The following ZNF445 variants were observed in gnomAD, a reference collection of about 807,000 sequenced individuals.
ZNF445 encodes zinc finger protein 168.
Under a neutral mutation model 93.9 loss-of-function variants are expected in ZNF445, and 19 were observed. The observed-to-expected ratio is 0.20, with a 90% CI of 0.14 to 0.30. The LOEUF (loss-of-function observed/expected upper bound fraction) is 0.30, where lower values mean the gene tolerates loss of function less well. ZNF445 is among the 10% of genes least tolerant of loss of function. The pLI is 1.00. For missense variants in ZNF445, 1,058 were observed against 1,259.4 expected, an observed-to-expected ratio of 0.84 and a Z score of 2.42; for synonymous variants, 449 against 446.3, an observed-to-expected ratio of 1.01 and a Z score of -0.08.
At chr3:44,467,456 CAG>C (rs1450209697) in intron 1 of ZNF445, among the ~76,000 whole-genome samples, 10 of 152,160 alleles carry the variant, frequency 6.6e-5, no homozygotes, top group Admixed American at 1.3e-4. Flanking sequence ...CTTGTCCACA[CAG>C]AGTCTCTGTA....
At position 44,443,278 on chromosome 3, in the gene ZNF445, A is replaced by C. The variant is rs1697834392; in HGVS notation, c.*3297T>G. On this transcript the variant is annotated 3_prime_UTR_variant, in exon 8 of 8. Coordinates refer to ENST00000396077, the MANE Select transcript of ZNF445 (RefSeq NM_181489.6). ...GTTAGCACCAAGTAGTCAGGCTTCT[A>C]CTTTTTTTCCTTTCAGCTAATCTGA... The C allele has an allele frequency of 6.6e-6, 1 of 152,214 alleles. No individual in the cohort carries two copies. Among genetic ancestry groups the C allele is most frequent in the African/African-American group, 2.4e-5 (1 of 41,458 alleles). 9.4% of individuals were successfully genotyped at this position (152,214 alleles called of 1,614,324 possible).
rs556191734 is a variant in ZNF445 at position 44,439,310 on chromosome 3, C to CA, written c.*7264dup. The CA allele has an allele frequency of 0.27, 16,839 of 62,220 alleles. 2,512 individuals carry two copies. Among genetic ancestry groups the CA allele is most frequent in the East Asian group, 0.79 (2,519 of 3,192 alleles). The allele number at this position is 62,220 out of a possible 1,614,324, so 3.9% of individuals were successfully genotyped here. ...TGGGTGACAGGGTGAGACCTTGTCTCAAAAAAAAAAAAAAAAAAAAAGCAA... is the reference window on the plus strand; with the variant it reads ...TGGGTGACAGGGTGAGACCTTGTCTCAAAAAAAAAAAAAAAAAAAAAAGCAA... On this transcript the variant is annotated 3_prime_UTR_variant, in exon 8 of 8. Transcript: ENST00000396077.
chr3:44,477,043 TA>T (rs1575321174), intron 1 of ZNF445, among the ~76,000 whole-genome samples: 1 of 152,364 alleles, frequency 6.6e-6, no homozygotes, highest in East Asian at 1.9e-4. Flanking sequence ...GTCACTGAAT[TA>T]CACACTTCCA....
intron 1 of ZNF445, among the ~76,000 whole-genome samples, chr3:44,463,504 T>A (rs1326733585): frequency 6.6e-6 from 1 of 151,872 alleles, no homozygotes; most frequent in Non-Finnish European, 1.5e-5. Context: ...AACTGATAGA[T>A]CCCTTTCAAA....
In ZNF445 at chr3:44,450,529, G is replaced by A. The variant is rs143992606; in HGVS notation, c.738C>T (p.Asp246=). The change falls in exon 6 of 8, where the codon GAC becomes GAT. Residue 246 remains aspartate, a synonymous_variant. Transcript: ENST00000396077. ...GAGCAGAGTCCAGCCACCCCCACTC[G>A]TCCTGGGAGAAGGTCACCTCCACAT... The part of the protein sequence containing the change: ...FKDVEVTFSQ[D]EWGWLDSAQR... The A allele has an allele frequency of 3.3e-4, 526 of 1,614,066 alleles. 5 individuals carry two copies. The African/African-American group carries it at 5.4e-3, about 16-fold the overall frequency.
intron 1 of ZNF445, among the ~76,000 whole-genome samples, chr3:44,476,859 G>A (rs1376714135): frequency 2.6e-5 from 4 of 152,040 alleles, no homozygotes; most frequent in African/African-American, 9.7e-5. Flanking sequence ...ATGCAAATGT[G>A]TCTCCTACAG....
intron 1 of ZNF445, among the ~76,000 whole-genome samples, chr3:44,460,995 C>T (rs1302986783): frequency 6.6e-6 from 1 of 152,202 alleles, no homozygotes; most frequent in African/African-American, 2.4e-5. Context: ...TCTCTACTGG[C>T]GGGGCACTGC....
intron 1 of ZNF445, among the ~76,000 whole-genome samples, chr3:44,467,658 C>T (rs1424776378): frequency 2.0e-5 from 3 of 152,176 alleles, no homozygotes; most frequent in African/African-American, 7.2e-5. Flanking sequence ...AGAGTTCTAT[C>T]AAAACCAACT....
At position 44,455,154 on chromosome 3, in the gene ZNF445, C is replaced by A; in HGVS notation, c.396G>T (p.Glu132Asp). The A allele has an allele frequency of 6.2e-7, 1 of 1,614,188 alleles. No individual in the cohort carries two copies. Among genetic ancestry groups the A allele is most frequent in the Middle Eastern group, 1.6e-4 (1 of 6,062 alleles). ...ATGTCCCATCAAGGTCCCTCTGCAG[C>A]TCCTCCAGCAAGGCCACAGCCTCCT... The part of the protein sequence containing the change: ...SGEEAVALLE[E>D]LQRDLDGTSW... Residue 132 changes from glutamate (E) to aspartate (D), a missense_variant, in exon 3 of 8, where the codon GAG becomes GAT. By Grantham distance (45) the Glu-to-Asp change is conservative. This residue lies in a region of ZNF445 where 657 missense variants were observed against 746.4 expected (regional missense o/e 0.88). Coordinates refer to ENST00000396077, the MANE Select transcript of ZNF445 (RefSeq NM_181489.6).
chr3:44,451,585 T>C (rs962451245), intron 3 of ZNF445, 103 bp from the exon 4 acceptor site: 31 of 1,306,360 alleles, frequency 2.4e-5, no homozygotes, highest in Non-Finnish European at 3.1e-5. Context: ...GGCCGAGGGA[T>C]AGGTAAGCCA....
Position 44,442,372 on chromosome 3 carries a change from G to C in ZNF445, c.*4203C>G, listed in dbSNP as rs1406123106. On this transcript the variant is annotated 3_prime_UTR_variant, in exon 8 of 8. Coordinates refer to ENST00000396077, the MANE Select transcript of ZNF445 (RefSeq NM_181489.6). ...CCAGGAGTAGTTGCTGGGTGGTTAA[G>C]TGCACACAACCTTCCAAGATTTTGC... is the stretch of plus-strand genomic sequence containing the variant. The C allele has an allele frequency of 6.6e-6, 1 of 152,198 alleles. No homozygotes were observed. Among genetic ancestry groups the C allele is most frequent in the Non-Finnish European group, 1.5e-5 (1 of 68,040 alleles). The allele number at this position is 152,198 out of a possible 1,614,324, so 9.4% of individuals were successfully genotyped here.
In ZNF445 at chr3:44,446,243, T is replaced by G. The variant is rs140229035; in HGVS notation, c.*332A>C. ...CCATAGCCCATGATGCCACAGATAT[T>G]CTGTCCAACCACAAAGGGCAGTGGT... is the stretch of plus-strand genomic sequence containing the variant. On this transcript the variant is annotated 3_prime_UTR_variant, in exon 8 of 8. Transcript: ENST00000396077. This position sits in a 1 kb window ranked among gnomAD's most constrained non-coding sequence, Gnocchi z 4.2. 7.3e-5 allele frequency: 22 copies of G among 301,400 alleles called. No individual in the cohort carries two copies. Among genetic ancestry groups the G allele is most frequent in the Admixed American group, 5.4e-4 (11 of 20,394 alleles). 18.7% of individuals were successfully genotyped at this position (301,400 alleles called of 1,614,324 possible).
At chr3:44,465,096 C>T (rs947603038) in intron 1 of ZNF445, among the ~76,000 whole-genome samples, 4 of 146,874 alleles carry the variant, frequency 2.7e-5, no homozygotes, top group African/African-American at 1.0e-4. Context: ...AAATCGCTTA[C>T]TTATCAGGTT....
rs1005037203 is a variant in ZNF445, at chr3:44,436,722, C to T, written c.*9853G>A. ...CAAACTCCTGGCCTCAAGCAATCCT[C>T]CCACCTCAGCCTCCCAAGCTGGGAT... On this transcript the variant is annotated 3_prime_UTR_variant, in exon 8 of 8. Coordinates refer to ENST00000396077, the MANE Select transcript of ZNF445 (RefSeq NM_181489.6). The T allele has an allele frequency of 2.6e-5, 4 of 152,134 alleles. No individual in the cohort carries two copies. The highest frequency in any genetic ancestry group is 9.7e-5 in the African/African-American group (4 of 41,422). The allele number at this position is 152,134 out of a possible 1,614,324, so 9.4% of individuals were successfully genotyped here.
rs994549754 is a variant in ZNF445, at chr3:44,440,473, T to C, written c.*6102A>G. 9.2e-5 allele frequency: 14 copies of C among 152,090 alleles called. No individual in the cohort carries two copies. The highest frequency in any genetic ancestry group is 3.1e-4 in the African/African-American group (13 of 41,454). 9.4% of individuals were successfully genotyped at this position (152,090 alleles called of 1,614,324 possible). A position where few individuals can be genotyped will look rare whatever the true frequency, so the allele number is the denominator to read the frequency against. On this transcript the variant is annotated 3_prime_UTR_variant, in exon 8 of 8. Transcript: ENST00000396077. ...TATAATTTCCTATAAAGTGCATGTC[T>C]TGGTGACTGTGCGTCAGTATATAGA...
intron 1 of ZNF445, among the ~76,000 whole-genome samples, chr3:44,466,910 T>G (rs1202086937): frequency 6.6e-6 from 1 of 152,258 alleles, no homozygotes; most frequent in Non-Finnish European, 1.5e-5. Context: ...AATTGCTGTA[T>G]GCCACAGAAG....
In ZNF445 at chr3:44,436,564, C is replaced by T. The variant is rs1315516371; in HGVS notation, c.*10011G>A. On this transcript the variant is annotated 3_prime_UTR_variant, in exon 8 of 8. Coordinates refer to ENST00000396077, the MANE Select transcript of ZNF445 (RefSeq NM_181489.6). ...ACTCAAGCATTTTTATCTCCTTAAG[C>T]ATTTACATATCTTCCTCTACAGTAT... 1.3e-5 allele frequency: 2 copies of T among 152,204 alleles called. No individual in the cohort carries two copies. Among genetic ancestry groups the T allele is most frequent in the Non-Finnish European group, 2.9e-5 (2 of 68,042 alleles). 9.4% of individuals were successfully genotyped at this position (152,204 alleles called of 1,614,324 possible). A position where few individuals can be genotyped will look rare whatever the true frequency, so the allele number is the denominator to read the frequency against.
Position 44,442,920 on chromosome 3 carries a change from G to C in ZNF445, c.*3655C>G, listed in dbSNP as rs1441692844. 1 of 152,130 alleles carries C rather than the reference G, an allele frequency of 6.6e-6. No homozygotes were observed. Among genetic ancestry groups the C allele is most frequent in the South Asian group, 2.1e-4 (1 of 4,830 alleles). 9.4% of individuals were successfully genotyped at this position (152,130 alleles called of 1,614,324 possible). On this transcript the variant is annotated 3_prime_UTR_variant, in exon 8 of 8. Transcript: ENST00000396077. ...ATTCAGCTTCAGATTCCTTAACAGA[G>C]GTAATTTTGTGCAAGATATTTTCTG...
intron 1 of ZNF445, among the ~76,000 whole-genome samples, chr3:44,461,988 C>T (rs1013835801): frequency 9.2e-5 from 14 of 152,008 alleles, no homozygotes; most frequent in Non-Finnish European, 1.8e-4. Context: ...TGCTTACCAG[C>T]CAAGTTTCTG....
Sources: gnomAD v4.1 joint callset for allele counts (sites outside exome capture counted in the v4.1 genomes callset) on GRCh38, gnomAD v4.1.1 for gene constraint, gnomAD v4.1.1 regional missense constraint, Gnocchi (gnomAD v3.1) non-coding constraint, MANE v1.5 for transcripts, NCBI Gene and HGNC (gene_info 2026-07-23, HGNC 2026-07-21) for gene names.